NEDD4L: variants seen among roughly 807,000 people sequenced by gnomAD.
The protein encoded by NEDD4L is NEDD4 like E3 ubiquitin protein ligase.
In NEDD4L, 54 loss-of-function variants were observed where a neutral mutation model predicts 148.9. The ratio of observed to expected loss-of-function variants is 0.36; its 90% CI spans 0.29 to 0.45. NEDD4L has a LOEUF of 0.45. Ranked by LOEUF, NEDD4L falls within the 20% of genes least tolerant of loss-of-function variation. The pLI is 1.00. For synonymous variants in NEDD4L, 433 were observed against 440.7 expected, an observed-to-expected ratio of 0.98 and a Z score of 0.22; for missense variants, 856 against 1,233.8, an observed-to-expected ratio of 0.69 and a Z score of 4.59.
At chr18:58,054,624 A>G (rs8086810) in intron 1 of NEDD4L, 4,487 of 159,544 alleles carry the variant, frequency 0.028, 216 homozygotes, top group African/African-American at 0.1. Context: ...GCAAGACTGA[A>G]TCATTTCACT....
rs185335104 is a variant in NEDD4L at position 58,243,178 on chromosome 18, A to C, written c.123-2249A>C. 5.0e-3 allele frequency among the ~76,000 whole-genome samples: 757 copies of C among 152,316 alleles called. 2 individuals carry two copies. The highest frequency in any genetic ancestry group is 8.2e-3 in the Non-Finnish European group (556 of 68,030). On this transcript the variant is annotated intron_variant, in intron 2 of 30. Coordinates refer to ENST00000400345, the MANE Select transcript of NEDD4L (RefSeq NM_001144967.3). ...TTATTGCAGTTATATAATAGCCGGC[A>C]ATCATGATAGCTGAGGGGCATAAAA...
At chr18:58,080,404 T>C (rs1172979293) in intron 1 of NEDD4L, among the ~76,000 whole-genome samples, 1 of 152,190 alleles carries the variant, frequency 6.6e-6, no homozygotes, top group Non-Finnish European at 1.5e-5. Context: ...ACCTGAAGCT[T>C]GTGGGTTTGA....
At chr18:58,187,253 A>G (rs945805632) in intron 2 of NEDD4L, among the ~76,000 whole-genome samples, 2 of 152,118 alleles carry the variant, frequency 1.3e-5, no homozygotes, top group African/African-American at 2.4e-5. Context: ...AACCCAGAAA[A>G]ACTTTGTGAC....
intron 1 of NEDD4L, among the ~76,000 whole-genome samples, chr18:58,138,108 T>A (rs868149381): frequency 5.3e-5 from 8 of 152,192 alleles, no homozygotes; most frequent in South Asian, 2.1e-4. Context: ...GACGTTAGGG[T>A]TTCTCTTTGA....
intron 16 of NEDD4L, among the ~76,000 whole-genome samples, chr18:58,343,705 G>C (rs2042713222): frequency 6.6e-6 from 1 of 152,138 alleles, no homozygotes; most frequent in Non-Finnish European, 1.5e-5. Flanking sequence ...ATGTACTCCT[G>C]AATTGTACCC....
chr18:58,254,506 ACAGT>A (rs1292574334), intron 5 of NEDD4L, among the ~76,000 whole-genome samples: 1 of 150,236 alleles, frequency 6.7e-6, no homozygotes, highest in Non-Finnish European at 1.5e-5. Context: ...TTACTGGAAA[ACAGT>A]CAGCTCTAGG....
At chr18:58,269,580 C>T (rs2050729105) in intron 5 of NEDD4L, among the ~76,000 whole-genome samples, 1 of 152,036 alleles carries the variant, frequency 6.6e-6, no homozygotes, top group Non-Finnish European at 1.5e-5. Context: ...TTATTTAGCA[C>T]ATTAAAGGGG....
rs562361865 is a variant in NEDD4L, at chr18:58,121,667, C to T, written c.49-44121C>T. Among the ~76,000 whole-genome samples the T allele has an allele frequency of 6.6e-5, 10 of 152,264 alleles. No homozygotes were observed. The East Asian group carries it at 1.3e-3, about 21-fold the overall frequency. ...CAAGTCATCATCCTGTGTTGGCTTT[C>T]GAAAGTGCTGGGATTGCAGGCATGA... is the stretch of plus-strand genomic sequence containing the variant. On this transcript the variant is annotated intron_variant, in intron 1 of 30. Coordinates refer to ENST00000400345, the MANE Select transcript of NEDD4L (RefSeq NM_001144967.3).
At chr18:58,054,310 C>T (rs1032291028) in intron 1 of NEDD4L, among the ~76,000 whole-genome samples, 4 of 152,228 alleles carry the variant, frequency 2.6e-5, no homozygotes, top group African/African-American at 7.2e-5. Flanking sequence ...GAATCTTCTG[C>T]TTTCTTTGCT....
chr18:58,051,128 C>T (rs992553358), intron 1 of NEDD4L, among the ~76,000 whole-genome samples: 9 of 152,132 alleles, frequency 5.9e-5, no homozygotes, highest in South Asian at 2.1e-4. Flanking sequence ...TGTTGTGGCA[C>T]GCACCTGTGG....
intron 5 of NEDD4L, among the ~76,000 whole-genome samples, chr18:58,292,714 A>G (rs1274848651): frequency 6.6e-6 from 1 of 152,232 alleles, no homozygotes; most frequent in African/African-American, 2.4e-5. Context: ...AATGCTTTAC[A>G]CATGATTAAA....
Position 58,107,812 on chromosome 18 carries a change from A to G in NEDD4L, c.49-57976A>G, listed in dbSNP as rs138629326. Reference sequence around the variant, plus strand: ...CCTGCAGCTTTAACCTCCCAGGCTCATATGATCCTCCCATTCCGGCCTCCC... The same window carrying G: ...CCTGCAGCTTTAACCTCCCAGGCTCGTATGATCCTCCCATTCCGGCCTCCC... On this transcript the variant is annotated intron_variant, in intron 1 of 30. Coordinates refer to ENST00000400345, the MANE Select transcript of NEDD4L (RefSeq NM_001144967.3). Among the ~76,000 whole-genome samples the G allele has an allele frequency of 1.7e-3, 252 of 152,168 alleles. 10 individuals are homozygous for G. The East Asian group carries it at 0.044, about 26-fold the overall frequency.
chr18:58,178,061 A>T (rs1350344698), intron 2 of NEDD4L, among the ~76,000 whole-genome samples: 2 of 152,228 alleles, frequency 1.3e-5, no homozygotes, highest in African/African-American at 4.8e-5. Context: ...TGGGCAATAC[A>T]TAAACAAAGG....
chr18:58,234,726 T>A (rs1469009131), intron 2 of NEDD4L, among the ~76,000 whole-genome samples: 1 of 152,072 alleles, frequency 6.6e-6, no homozygotes, highest in African/African-American at 2.4e-5. Flanking sequence ...CCCCATCTTA[T>A]AAGATAGAGA....
intron 2 of NEDD4L, among the ~76,000 whole-genome samples, chr18:58,212,552 G>T (rs2042701140): frequency 6.6e-6 from 1 of 152,160 alleles, no homozygotes; most frequent in South Asian, 2.1e-4. Context: ...CTCCCACCGG[G>T]TCCCTCCCGT....
chr18:58,126,658 C>T (rs1284280722), intron 1 of NEDD4L, among the ~76,000 whole-genome samples: 1 of 152,196 alleles, frequency 6.6e-6, no homozygotes, highest in African/African-American at 2.4e-5. Flanking sequence ...GTTACGGTAA[C>T]TCTACATTTA....
chr18:58,357,402 T>G (rs376416412), intron 19 of NEDD4L, 150 bp downstream of exon 19: 16 of 784,526 alleles, frequency 2.0e-5, no homozygotes, highest in African/African-American at 1.5e-4. Flanking sequence ...ATCTCCTTAC[T>G]GAAGTTTCCA....
chr18:58,312,339 T>G (rs1385524646), intron 5 of NEDD4L, among the ~76,000 whole-genome samples: 1 of 152,168 alleles, frequency 6.6e-6, no homozygotes, highest in Admixed American at 6.5e-5. Context: ...TGAGTTGAAG[T>G]TAATTTGGTT....
intron 1 of NEDD4L, among the ~76,000 whole-genome samples, chr18:58,108,430 T>C (rs189981457): frequency 2.6e-5 from 4 of 152,336 alleles, no homozygotes; most frequent in Admixed American, 2.6e-4. Flanking sequence ...CATTTTTATG[T>C]TTATTTTTTG....
Sources: allele counts gnomAD v4.1 joint callset (sites outside exome capture counted in the v4.1 genomes callset), GRCh38; gene constraint gnomAD v4.1.1; transcripts MANE v1.5; gene names NCBI Gene and HGNC (gene_info 2026-07-23, HGNC 2026-07-21).